CPEB1: variants seen among roughly 807,000 people sequenced by gnomAD.
CPEB1 encodes cytoplasmic polyadenylation element binding protein 1.
CPEB1 carries 7 observed loss-of-function variants against 65.8 expected under a neutral mutation model. The ratio of observed to expected loss-of-function variants is 0.11; its 90% CI spans 0.06 to 0.20. The LOEUF is 0.20. Among genes scored for constraint, CPEB1 ranks in the 10% least tolerant of loss-of-function variants. The pLI is 1.00. For missense variants in CPEB1, 551 were observed against 712.2 expected (o/e 0.77, Z 2.58); for synonymous variants, 262 against 260.0 (o/e 1.01, Z -0.08).
chr15:82,600,508 A>G (rs952891165), intron 3 of CPEB1, among the ~76,000 whole-genome samples: 4 of 152,208 alleles, frequency 2.6e-5, no homozygotes, highest in Non-Finnish European at 4.4e-5. Flanking sequence ...CAATGACTAT[A>G]TAAGATACTT....
At chr15:82,640,213 C>T (rs1454267936) in intron 1 of CPEB1, among the ~76,000 whole-genome samples, 1 of 152,146 alleles carries the variant, frequency 6.6e-6, no homozygotes, top group Non-Finnish European at 1.5e-5. Flanking sequence ...CAGAATTGAA[C>T]TCCTAGGCTC....
At chr15:82,562,718 C>T (rs750311606) in intron 4 of CPEB1, among the ~76,000 whole-genome samples, 1 of 151,938 alleles carries the variant, frequency 6.6e-6, no homozygotes, top group Non-Finnish European at 1.5e-5. Flanking sequence ...ACTGATAGTC[C>T]CAGTTACTCA....
chr15:82,574,352 G>A (rs1158572660), intron 3 of CPEB1, among the ~76,000 whole-genome samples: 1 of 152,136 alleles, frequency 6.6e-6, no homozygotes, highest in Admixed American at 6.5e-5. Context: ...CTGCCACTGT[G>A]TCTTTCTGAG....
chr15:82,556,128 G>T lies in CPEB1; in HGVS notation c.688-6C>A. ...GGAGAAATGCGAAGGCTTGACTAGG[G>T]GAGGAAAAAGGAAGACAGGGTTTTA... On this transcript the variant is annotated splice_polypyrimidine_tract_variant and splice_region_variant and intron_variant, in intron 5 of 12. Coordinates refer to ENST00000684509, the MANE Select transcript of CPEB1 (RefSeq NM_001365242.1). 1 of 1,585,430 alleles carries T rather than the reference G, an allele frequency of 6.3e-7. No individual in the cohort carries two copies. Among genetic ancestry groups the T allele is most frequent in the Non-Finnish European group, 8.5e-7 (1 of 1,171,180 alleles).
At chr15:82,639,966 C>T (rs559848148) in intron 1 of CPEB1, among the ~76,000 whole-genome samples, 17 of 152,202 alleles carry the variant, frequency 1.1e-4, no homozygotes, top group Admixed American at 8.5e-4. Context: ...TTAACTCTCC[C>T]GGGAAAAGAA....
At chr15:82,621,070 G>C (rs148738467) in intron 3 of CPEB1, among the ~76,000 whole-genome samples, 1 of 152,208 alleles carries the variant, frequency 6.6e-6, no homozygotes, top group African/African-American at 2.4e-5. Flanking sequence ...AAGACTTCAT[G>C]AGAGTAATTT....
intron 1 of CPEB1, among the ~76,000 whole-genome samples, chr15:82,646,426 C>T (rs1184947852): frequency 6.6e-6 from 1 of 152,156 alleles, no homozygotes; most frequent in African/African-American, 2.4e-5. Flanking sequence ...AGAAATGCGG[C>T]GTCAGTCAGG....
intron 3 of CPEB1, chr15:82,572,942 G>T: frequency 8.2e-7 from 1 of 1,224,736 alleles, no homozygotes; most frequent in Non-Finnish European, 1.1e-6. Flanking sequence ...ATGAGCCCAG[G>T]GTCACTGGGC....
In CPEB1 at chr15:82,552,609, C is replaced by T; in HGVS notation, c.1152G>A (p.Val384=). 1 of 1,614,138 alleles carries T rather than the reference C, an allele frequency of 6.2e-7. No individual in the cohort carries two copies. Among genetic ancestry groups the T allele is most frequent in the Non-Finnish European group, 8.5e-7 (1 of 1,179,980 alleles). Reference sequence around the variant, plus strand: ...ACTTCTCTAGTTCGAAGACCAGATACACATACCCTATTCCCAATGAGAGGA... The same window carrying T: ...ACTTCTCTAGTTCGAAGACCAGATATACATACCCTATTCCCAATGAGAGGA... ...KHPRCPPKGY[V]YLVFELEKSV... Residue 384 remains valine, a synonymous_variant, in exon 9 of 13, where the codon GTG becomes GTA. Transcript: ENST00000684509.
intron 9 of CPEB1, among the ~76,000 whole-genome samples, chr15:82,552,180 G>A (rs2036374992): frequency 6.6e-6 from 1 of 152,036 alleles, no homozygotes. Flanking sequence ...CAAGAGGTTT[G>A]AAACCAAAGT....
At chr15:82,640,478 C>T (rs140492793) in intron 1 of CPEB1, among the ~76,000 whole-genome samples, 17 of 152,268 alleles carry the variant, frequency 1.1e-4, no homozygotes, top group African/African-American at 3.8e-4. Flanking sequence ...AGCCCTGTTT[C>T]ATATCTCCTT....
intron 3 of CPEB1, among the ~76,000 whole-genome samples, chr15:82,615,791 T>G (rs1350543707): frequency 6.6e-6 from 1 of 152,108 alleles, no homozygotes; most frequent in African/African-American, 2.4e-5. Flanking sequence ...ACCCAGCAAC[T>G]TGAAGTGTGA....
At chr15:82,603,674 T>A (rs1241901171) in intron 3 of CPEB1, among the ~76,000 whole-genome samples, 1 of 152,176 alleles carries the variant, frequency 6.6e-6, no homozygotes, top group Non-Finnish European at 1.5e-5. Context: ...GGGCCCCTTG[T>A]CAAAGACTGG....
chr15:82,639,738 A>G (rs903450522), intron 1 of CPEB1, among the ~76,000 whole-genome samples: 5 of 152,150 alleles, frequency 3.3e-5, no homozygotes, highest in African/African-American at 1.2e-4. Context: ...CCAAAGGAAC[A>G]AACAATATGG....
At chr15:82,629,957 T>C in intron 1 of CPEB1, 1 of 985,404 alleles carries the variant, frequency 1.0e-6, no homozygotes, top group Non-Finnish European at 1.2e-6. Flanking sequence ...AAATACACAA[T>C]CCTACAAGGT....
chr15:82,629,609 C>A (rs2046071989), intron 1 of CPEB1: 1 of 985,262 alleles, frequency 1.0e-6, no homozygotes, highest in African/African-American at 1.7e-5. Context: ...CAATGCCCAA[C>A]ATAAGAAGCA....
At chr15:82,615,686 G>A (rs968770775) in intron 3 of CPEB1, among the ~76,000 whole-genome samples, 1 of 152,124 alleles carries the variant, frequency 6.6e-6, no homozygotes, top group South Asian at 2.1e-4. Flanking sequence ...CTGGAATTTT[G>A]AAGTATGACA....
chr15:82,546,299 G>C, intron 12 of CPEB1, 142 bp downstream of exon 12: 2 of 664,988 alleles, frequency 3.0e-6, no homozygotes, highest in Non-Finnish European at 5.4e-6. Context: ...TAATAGAGAC[G>C]GGGTTTCACC....
chr15:82,573,109 G>C, intron 3 of CPEB1: 9 of 1,535,554 alleles, frequency 5.9e-6, no homozygotes, highest in Non-Finnish European at 7.8e-6. Flanking sequence ...GACCTCCCAT[G>C]GCAGGGTCGA....
Sources: gnomAD v4.1 joint callset for allele counts (sites outside exome capture counted in the v4.1 genomes callset) on GRCh38, gnomAD v4.1.1 for gene constraint, MANE v1.5 for transcripts, NCBI Gene and HGNC (gene_info 2026-07-23, HGNC 2026-07-21) for gene names.